Variants in TANC2 observed in about 807,000 individuals in gnomAD.
TANC2 encodes protein TANC2.
In TANC2, 26 loss-of-function variants were observed where a neutral mutation model predicts 210.5. The observed-to-expected ratio is 0.12, with a 90% CI of 0.09 to 0.17. The LOEUF (loss-of-function observed/expected upper bound fraction) is 0.17. Ranked by LOEUF, TANC2 falls within the 10% of genes least tolerant of loss-of-function variation. TANC2 has a pLI of 1.00. For synonymous variants in TANC2, 931 were observed against 967.1 expected, an observed-to-expected ratio of 0.96 and a Z score of 0.69; for missense variants, 2,129 against 2,608.9, an observed-to-expected ratio of 0.82 and a Z score of 4.01.
intron 21 of TANC2, among the ~76,000 whole-genome samples, chr17:63,408,249 A>G (rs531211558): frequency 1.3e-5 from 2 of 152,340 alleles, no homozygotes; most frequent in African/African-American, 4.8e-5. Flanking sequence ...GATTAGATGT[A>G]GGAAATAAGG....
At chr17:63,161,665 T>C (rs943251416) in intron 5 of TANC2, among the ~76,000 whole-genome samples, 2 of 152,194 alleles carry the variant, frequency 1.3e-5, no homozygotes, top group African/African-American at 4.8e-5. Context: ...CTCTAAGACC[T>C]GGACCATAGA....
chr17:63,342,550 G>T (rs1320054530), intron 12 of TANC2, among the ~76,000 whole-genome samples: 1 of 152,208 alleles, frequency 6.6e-6, no homozygotes. Context: ...GCCGAGGCAG[G>T]TGGATCACGA....
intron 9 of TANC2, among the ~76,000 whole-genome samples, chr17:63,289,948 C>CT (rs917983435): frequency 1.4e-4 from 22 of 152,170 alleles, no homozygotes; most frequent in African/African-American, 5.3e-4. Flanking sequence ...TTCCTTCCCC[C>CT]CCTTCAGTGG....
At chr17:63,265,875 C>T (rs1472688984) in intron 8 of TANC2, among the ~76,000 whole-genome samples, 1 of 152,050 alleles carries the variant, frequency 6.6e-6, no homozygotes, top group Non-Finnish European at 1.5e-5. Context: ...CTACCCAGCA[C>T]ATTACAGGTG....
chr17:63,009,502 T>C (rs1390823779), intron 1 of TANC2, 35 bp from the exon 2 acceptor site: 2 of 1,506,140 alleles, frequency 1.3e-6, no homozygotes, highest in East Asian at 4.5e-5. Context: ...AAATAAAGTT[T>C]TCTTAAACAC....
In TANC2 at chr17:63,340,286, C is replaced by T. The variant is rs758443342; in HGVS notation, c.1761C>T (p.Ala587=). 39 of 1,613,812 alleles carry T rather than the reference C, an allele frequency of 2.4e-5. No individual in the cohort carries two copies. The South Asian group carries it at 4.2e-4, about 17-fold the overall frequency. Residue 587 remains alanine (A), a synonymous_variant, in exon 12 of 28, where the codon GCC becomes GCT. Coordinates refer to ENST00000689528, the Ensembl canonical transcript of TANC2. ...GTTCCTGTGTTCAAGACCCCATGGCCTCCTTCCGGAGGGGAGTTCTGGAGC... is the reference window on the plus strand; with the variant it reads ...GTTCCTGTGTTCAAGACCCCATGGCTTCCTTCCGGAGGGGAGTTCTGGAGC...
chr17:63,033,460 A>G (rs892367312), intron 2 of TANC2, among the ~76,000 whole-genome samples: 4 of 152,140 alleles, frequency 2.6e-5, no homozygotes, highest in Admixed American at 1.3e-4. Context: ...TCTTGTGTCT[A>G]TTACTGGGTG....
intron 7 of TANC2, among the ~76,000 whole-genome samples, chr17:63,216,534 T>C (rs2042031570): frequency 6.6e-6 from 1 of 152,150 alleles, no homozygotes; most frequent in Admixed American, 6.5e-5. Flanking sequence ...TGGTCAGAAA[T>C]ACAGATGACA....
exon 21 of TANC2, chr17:63,406,212 G>A (rs1743885408): frequency 3.7e-6 from 6 of 1,613,716 alleles, no homozygotes; most frequent in African/African-American, 1.3e-5. Context: ...AAGCAGGGCC[G>A]CACTCCCCTG....
At chr17:63,010,612 A>G (rs1473611350) in intron 2 of TANC2, among the ~76,000 whole-genome samples, 2 of 152,022 alleles carry the variant, frequency 1.3e-5, no homozygotes, top group African/African-American at 2.4e-5. Context: ...ACTGCTTTCC[A>G]CTTCAGACAC....
intron 5 of TANC2, among the ~76,000 whole-genome samples, chr17:63,165,142 G>A (rs577735644): frequency 2.0e-5 from 3 of 151,902 alleles, no homozygotes; most frequent in African/African-American, 4.8e-5. Flanking sequence ...TTAGCCAGGC[G>A]TGGTGGCTGT....
chr17:63,364,923 G>A (rs773308722), intron 14 of TANC2, among the ~76,000 whole-genome samples: 3 of 152,088 alleles, frequency 2.0e-5, no homozygotes, highest in East Asian at 1.9e-4. Flanking sequence ...GGATATGTTC[G>A]GTATAGTGAA....
At chr17:63,323,299 T>TG (rs1485302775) in intron 11 of TANC2, among the ~76,000 whole-genome samples, 1 of 152,246 alleles carries the variant, frequency 6.6e-6, no homozygotes, top group East Asian at 1.9e-4. Context: ...ATAACATTCT[T>TG]GCTCTTTCTT....
intron 7 of TANC2, among the ~76,000 whole-genome samples, chr17:63,237,166 G>A (rs907816760): frequency 6.6e-6 from 1 of 151,980 alleles, no homozygotes; most frequent in African/African-American, 2.4e-5. Flanking sequence ...TTTTTTAATA[G>A]TAGCCATTCT....
intron 4 of TANC2, among the ~76,000 whole-genome samples, chr17:63,136,247 C>T (rs961353337): frequency 6.6e-6 from 1 of 152,082 alleles, no homozygotes; most frequent in Non-Finnish European, 1.5e-5. Flanking sequence ...GTAACTGTTT[C>T]TTTGGATCAG....
chr17:63,373,157 A>G (rs573417650), intron 14 of TANC2, among the ~76,000 whole-genome samples: 1 of 152,166 alleles, frequency 6.6e-6, no homozygotes, highest in South Asian at 2.1e-4. Context: ...CAGCCTCCCA[A>G]AGTGCCGAGA....
chr17:63,409,140 T>A (rs2147315559), intron 21 of TANC2, among the ~76,000 whole-genome samples: 1 of 152,192 alleles, frequency 6.6e-6, no homozygotes, highest in African/African-American at 2.4e-5. Context: ...AAACTCTGAA[T>A]TTTTTGTTTA....
At chr17:63,281,694 C>CT (rs953403431) in intron 9 of TANC2, among the ~76,000 whole-genome samples, 5 of 151,916 alleles carry the variant, frequency 3.3e-5, no homozygotes, top group Non-Finnish European at 7.4e-5. Context: ...AGAACGTGAC[C>CT]TTTTTGGAAC....
At chr17:63,083,945 G>A (rs2144739160) in intron 3 of TANC2, among the ~76,000 whole-genome samples, 1 of 152,284 alleles carries the variant, frequency 6.6e-6, no homozygotes, top group African/African-American at 2.4e-5. Flanking sequence ...AATTTCTGTA[G>A]TGTTCTTGTT....
Sources: allele counts gnomAD v4.1 joint callset (sites outside exome capture counted in the v4.1 genomes callset), GRCh38; gene constraint gnomAD v4.1.1; transcripts MANE v1.5; gene names NCBI Gene and HGNC (gene_info 2026-07-23, HGNC 2026-07-21).